The following ARFIP1 variants were observed in gnomAD, a reference collection of about 807,000 sequenced individuals.
The protein encoded by ARFIP1 is ARF interacting protein 1.
A neutral mutation model predicts 42.5 loss-of-function variants in ARFIP1; 24 were observed. The ratio of observed to expected loss-of-function variants is 0.57; its 90% CI spans 0.41 to 0.80. The LOEUF is 0.80. Ranked by LOEUF, ARFIP1 falls within the 30% of genes least tolerant of loss-of-function variation. The pLI is 0.00. For synonymous variants in ARFIP1, 141 were observed against 153.7 expected (o/e 0.92, Z 0.61); for missense variants, 354 against 434.0 (o/e 0.82, Z 1.64).
intron 1 of ARFIP1, among the ~76,000 whole-genome samples, chr4:152,818,765 A>T (rs914194577): frequency 3.3e-5 from 5 of 152,262 alleles, no homozygotes; most frequent in African/African-American, 1.2e-4. Context: ...CCTAGGACCT[A>T]GGTGGCTGCT....
At chr4:152,795,800 G>A (rs1391932276) in intron 1 of ARFIP1, among the ~76,000 whole-genome samples, 1 of 88,690 alleles carries the variant, frequency 1.1e-5, no homozygotes, top group East Asian at 3.6e-4. Flanking sequence ...TTGAGCGATT[G>A]TTACTTGAGG....
In ARFIP1 at chr4:152,817,245, T is replaced by C. The variant is rs78862866; in HGVS notation, c.-9-12380T>C. Among the ~76,000 whole-genome samples the C allele has an allele frequency of 8.1e-3, 1,232 of 152,294 alleles. 91 individuals are homozygous for C. In the East Asian group the frequency reaches 0.18, roughly 22 times the overall value. On this transcript the variant is annotated intron_variant, in intron 1 of 8. Transcript: ENST00000353617. ...AATACTAGTGTGTGTATATCTCTTA[T>C]TTGCAAGGAACAGAAACTTAACTCC...
rs1491298205 is a variant in ARFIP1, at chr4:152,804,241, A to AT, written c.-10+24015_-10+24016insT. On this transcript the variant is annotated intron_variant, in intron 1 of 8. Coordinates refer to ENST00000353617, the MANE Select transcript of ARFIP1 (RefSeq NM_001025595.3). ...ATATAATATAACATGTATTATATATAATATATAATATAACATGTATTATAT... is the reference window on the plus strand; with the variant it reads ...ATATAATATAACATGTATTATATATATATATATAATATAACATGTATTATAT... Among the ~76,000 whole-genome samples the AT allele has an allele frequency of 4.5e-4, 7 of 15,686 alleles. 1 individual carries two copies. The highest frequency in any genetic ancestry group is 1.3e-3 in the African/African-American group (7 of 5,350). The allele number at this position is 15,686 out of a possible 152,430, so 10.3% of individuals were successfully genotyped here. A position where few individuals can be genotyped will look rare whatever the true frequency, so the allele number is the denominator to read the frequency against.
intron 2 of ARFIP1, among the ~76,000 whole-genome samples, chr4:152,854,892 G>A (rs547300084): frequency 2.0e-4 from 30 of 152,318 alleles, no homozygotes; most frequent in Admixed American, 4.6e-4. Flanking sequence ...GGTATATGCC[G>A]GCACCAGTGT....
Position 152,910,281 on chromosome 4 carries a change from A to G in ARFIP1, c.*62A>G. ...ATATTTCTAAACCAACCTAACAAGA[A>G]TTAAGCAGAGTTGGGGGAAGTGGGA... is the stretch of plus-strand genomic sequence containing the variant. On this transcript the variant is annotated 3_prime_UTR_variant, in exon 9 of 9. Coordinates refer to ENST00000353617, the MANE Select transcript of ARFIP1 (RefSeq NM_001025595.3). The G allele has an allele frequency of 6.4e-7, 1 of 1,557,934 alleles. No individual in the cohort carries two copies. The highest frequency in any genetic ancestry group is 8.7e-7 in the Non-Finnish European group (1 of 1,144,922).
chr4:152,905,960 T>G (rs1738326131), intron 8 of ARFIP1, among the ~76,000 whole-genome samples: 1 of 152,190 alleles, frequency 6.6e-6, no homozygotes, highest in African/African-American at 2.4e-5. Context: ...GAGAGAAATA[T>G]TTTTGAAGTC....
intron 5 of ARFIP1, among the ~76,000 whole-genome samples, chr4:152,875,369 C>A (rs372096707): frequency 2.5e-4 from 15 of 60,464 alleles, no homozygotes; most frequent in African/African-American, 9.1e-4. Flanking sequence ...TGAAGTTTGT[C>A]TTTTTTTATA....
At chr4:152,885,789 A>G (rs899497481) in intron 7 of ARFIP1, among the ~76,000 whole-genome samples, 4 of 151,918 alleles carry the variant, frequency 2.6e-5, no homozygotes, top group Non-Finnish European at 2.9e-5. Flanking sequence ...ATTTAGTTCT[A>G]CTTTTTTCTC....
rs966429376 is a variant in ARFIP1 at position 152,906,436 on chromosome 4, G to A, written c.967-3628G>A. The stretch of plus-strand genomic sequence containing the variant: ...TCAGTTGCTTGGAGCAAAACTCTTA[G>A]CACATCTTTGAGTGTTCTCTTTCTC... On this transcript the variant is annotated intron_variant, in intron 8 of 8. Transcript: ENST00000353617. Among the ~76,000 whole-genome samples, 14 of 152,252 alleles carry A rather than the reference G, an allele frequency of 9.2e-5. 1 individual carries two copies. Among genetic ancestry groups the A allele is most frequent in the South Asian group, 4.1e-4 (2 of 4,830 alleles).
intron 8 of ARFIP1, among the ~76,000 whole-genome samples, chr4:152,904,511 C>T (rs1375052437): frequency 6.6e-6 from 1 of 151,942 alleles, no homozygotes; most frequent in Non-Finnish European, 1.5e-5. Context: ...ATATTAAGGC[C>T]TGAATGCATT....
chr4:152,856,163 G>A (rs571386082), intron 2 of ARFIP1, among the ~76,000 whole-genome samples: 9 of 152,260 alleles, frequency 5.9e-5, no homozygotes, highest in African/African-American at 1.9e-4. Flanking sequence ...TCTATCATAT[G>A]TACTATTTAA....
At chr4:152,863,458 T>A (rs748482116) in intron 2 of ARFIP1, 148 bp from the exon 3 acceptor site, 46 of 510,840 alleles carry the variant, frequency 9.0e-5, no homozygotes, top group Non-Finnish European at 1.4e-4. Context: ...TATACATCAT[T>A]ATAGAATGCC....
intron 1 of ARFIP1, among the ~76,000 whole-genome samples, chr4:152,808,283 A>ATTTTTTTTTGTTTTTTTTTTTTTT (rs1729151887): frequency 4.9e-5 from 1 of 20,314 alleles, no homozygotes; most frequent in Non-Finnish European, 1.0e-4. Flanking sequence ...CCTGGCCTCC[A>ATTTTTTTTTGTTTTTTTTTTTTTT]TTTTTTTTTT....
chr4:152,835,752 A>G (rs1050783758), intron 2 of ARFIP1, among the ~76,000 whole-genome samples: 2 of 152,198 alleles, frequency 1.3e-5, no homozygotes, highest in African/African-American at 4.8e-5. Flanking sequence ...AATACATGAA[A>G]CTGGGTAATT....
chr4:152,804,222 T>TATAATATGTATTATATATAATATATAAC (rs1331325771), intron 1 of ARFIP1, among the ~76,000 whole-genome samples: 1 of 48,138 alleles, frequency 2.1e-5, no homozygotes, highest in Non-Finnish European at 4.5e-5. Flanking sequence ...TTATATATAA[T>TATAATATGTATTATATATAATATATAAC]ATAACATGTA....
chr4:152,840,604 G>T (rs79749433), intron 2 of ARFIP1, among the ~76,000 whole-genome samples: 5,673 of 151,966 alleles, frequency 0.037, 160 homozygotes, highest in South Asian at 0.079. Context: ...GGCATAAAAT[G>T]CCTTTTACCA....
chr4:152,808,283 A>ATTCTTTTTTTTTTTTTTTTTTTTTTTT (rs1729151426), intron 1 of ARFIP1, among the ~76,000 whole-genome samples: 1 of 20,314 alleles, frequency 4.9e-5, no homozygotes, highest in Admixed American at 6.5e-4. Context: ...CCTGGCCTCC[A>ATTCTTTTTTTTTTTTTTTTTTTTTTTT]TTTTTTTTTT....
chr4:152,786,186 A>G (rs1160168201), intron 1 of ARFIP1, among the ~76,000 whole-genome samples: 1 of 152,194 alleles, frequency 6.6e-6, no homozygotes, highest in Non-Finnish European at 1.5e-5. Context: ...TTTCTAGGAT[A>G]AAGATGTCAG....
intron 1 of ARFIP1, among the ~76,000 whole-genome samples, chr4:152,816,480 CT>C (rs1729896833): frequency 6.6e-6 from 1 of 152,188 alleles, no homozygotes; most frequent in South Asian, 2.1e-4. Flanking sequence ...GTCTTTATGA[CT>C]TACTCCCTCA....
Sources: gnomAD v4.1 joint callset for allele counts (sites outside exome capture counted in the v4.1 genomes callset) on GRCh38, gnomAD v4.1.1 for gene constraint, MANE v1.5 for transcripts, NCBI Gene and HGNC (gene_info 2026-07-23, HGNC 2026-07-21) for gene names.